The following THSD7B variants were observed in gnomAD, a reference collection of about 807,000 sequenced individuals.
The protein encoded by THSD7B is thrombospondin type-1 domain-containing protein 7B.
In THSD7B, 138 loss-of-function variants were observed where a neutral mutation model predicts 213.6. The observed-to-expected ratio is 0.65, with a 90% CI of 0.56 to 0.74. The LOEUF (loss-of-function observed/expected upper bound fraction) is 0.74. Among genes scored for constraint, THSD7B ranks in the 30% least tolerant of loss-of-function variants. The pLI, the probability that THSD7B is intolerant of heterozygous loss-of-function variation, is 0.00. For missense variants in THSD7B, 1,931 were observed against 1,991.5 expected, an observed-to-expected ratio of 0.97 and a Z score of 0.58; for synonymous variants, 742 against 687.0, an observed-to-expected ratio of 1.08 and a Z score of -1.25.
intron 15 of THSD7B, among the ~76,000 whole-genome samples, chr2:137,465,108 C>T (rs577658486): frequency 4.6e-5 from 7 of 151,854 alleles, no homozygotes; most frequent in Admixed American, 1.3e-4. Context: ...TTTTTTTCTC[C>T]TTTATGTGCT....
intron 7 of THSD7B, among the ~76,000 whole-genome samples, chr2:137,229,903 C>A (rs1372596612): frequency 1.3e-5 from 2 of 152,186 alleles, no homozygotes; most frequent in Non-Finnish European, 2.9e-5. Flanking sequence ...AAATACTAGT[C>A]CCCTTCGCGT....
chr2:137,268,312 C>G (rs556117930), intron 10 of THSD7B, among the ~76,000 whole-genome samples: 2 of 150,114 alleles, frequency 1.3e-5, no homozygotes, highest in African/African-American at 4.9e-5. Context: ...CAGGCCCCCA[C>G]CCCCCAACAG....
At chr2:137,482,170 A>G (rs1021979925) in intron 15 of THSD7B, among the ~76,000 whole-genome samples, 3 of 129,998 alleles carry the variant, frequency 2.3e-5, no homozygotes, top group Non-Finnish European at 3.2e-5. Flanking sequence ...GCAGAGCAAG[A>G]CTCCGGCCCT....
chr2:137,125,307 G>A (rs1688613125), intron 5 of THSD7B, among the ~76,000 whole-genome samples: 1 of 152,182 alleles, frequency 6.6e-6, no homozygotes, highest in Admixed American at 6.5e-5. Flanking sequence ...AAACCCTGCT[G>A]CTGCTTTTTC....
chr2:137,310,778 T>C (rs1683881629), intron 12 of THSD7B, among the ~76,000 whole-genome samples: 1 of 152,024 alleles, frequency 6.6e-6, no homozygotes. Context: ...TCCCCATTGC[T>C]TGTTTTTCTC....
intron 15 of THSD7B, among the ~76,000 whole-genome samples, chr2:137,521,606 A>T (rs1680185835): frequency 6.6e-6 from 1 of 152,118 alleles, no homozygotes; most frequent in African/African-American, 2.4e-5. Context: ...TAAAGTTGTT[A>T]GTGTCTCAAC....
chr2:136,844,613 G>A (rs1298654668), intron 1 of THSD7B, among the ~76,000 whole-genome samples: 1 of 152,138 alleles, frequency 6.6e-6, no homozygotes, highest in Non-Finnish European at 1.5e-5. Context: ...ATTTGGAGAA[G>A]GGCTAAGATT....
intron 18 of THSD7B, 31 bp from the exon 19 acceptor site, chr2:137,618,361 A>G (rs747540494): frequency 6.3e-7 from 1 of 1,595,098 alleles, no homozygotes; most frequent in South Asian, 1.1e-5. Flanking sequence ...CATAATTTTG[A>G]AACTCAGTGT....
chr2:137,563,346 G>A lies in THSD7B; in HGVS notation c.3264G>A (p.Arg1088=). 6.2e-7 allele frequency: 1 copy of A among 1,612,858 alleles called. No homozygotes were observed. Among genetic ancestry groups the A allele is most frequent in the Non-Finnish European group, 8.5e-7 (1 of 1,179,386 alleles). The change falls in exon 16 of 28, where the codon AGG becomes AGA. Residue 1088 remains arginine (R), a synonymous_variant. Transcript: ENST00000409968. ...SLRCGGGTQS[R]KIRCVNTADG... ...GCTGTGGAGGAGGAACACAATCTAG[G>A]AAAATCAGGTGTGTGAAAATGGAGA...
chr2:137,003,192 C>T (rs2104826794), intron 2 of THSD7B, among the ~76,000 whole-genome samples: 1 of 152,274 alleles, frequency 6.6e-6, no homozygotes, highest in Non-Finnish European at 1.5e-5. Context: ...GAAGGCCACA[C>T]ATGGCTTTTA....
intron 12 of THSD7B, among the ~76,000 whole-genome samples, chr2:137,346,688 T>C (rs1308233016): frequency 6.6e-6 from 1 of 151,800 alleles, no homozygotes; most frequent in East Asian, 1.9e-4. Context: ...TATTTTCTCC[T>C]CACACATGGA....
At chr2:137,593,836 C>A (rs997131493) in intron 17 of THSD7B, among the ~76,000 whole-genome samples, 2 of 151,834 alleles carry the variant, frequency 1.3e-5, no homozygotes, top group South Asian at 2.1e-4. Context: ...CCTAAGAAAT[C>A]TTTTTCTTAC....
chr2:136,944,108 CATTTTT>C (rs1684883181), intron 2 of THSD7B, among the ~76,000 whole-genome samples: 1 of 152,154 alleles, frequency 6.6e-6, no homozygotes, highest in Non-Finnish European at 1.5e-5. Flanking sequence ...TTTCAAAAAA[CATTTTT>C]ATTTGTGCCT....
At chr2:136,817,339 T>A (rs1682491408) in intron 1 of THSD7B, among the ~76,000 whole-genome samples, 1 of 151,794 alleles carries the variant, frequency 6.6e-6, no homozygotes, top group South Asian at 2.1e-4. Context: ...GGTAGTTTCT[T>A]TTGCTGTGCA....
intron 2 of THSD7B, among the ~76,000 whole-genome samples, chr2:136,966,200 T>G (rs1685309818): frequency 7.0e-6 from 1 of 142,930 alleles, no homozygotes; most frequent in South Asian, 2.4e-4. Flanking sequence ...TTCAAATTCA[T>G]TTCATATTAA....
At chr2:137,181,334 T>A (rs34100922) in intron 7 of THSD7B, among the ~76,000 whole-genome samples, 10,585 of 152,102 alleles carry the variant, frequency 0.07, 397 homozygotes, top group African/African-American at 0.094. Flanking sequence ...TTGAGATGAG[T>A]AAGTTTAGTA....
intron 2 of THSD7B, among the ~76,000 whole-genome samples, chr2:137,017,203 G>A (rs1291735792): frequency 4.0e-5 from 6 of 151,736 alleles, no homozygotes; most frequent in African/African-American, 1.2e-4. Flanking sequence ...GTATGTATCC[G>A]CTATTCTTAA....
intron 12 of THSD7B, among the ~76,000 whole-genome samples, chr2:137,374,275 T>C (rs559299019): frequency 3.9e-5 from 6 of 152,206 alleles, no homozygotes; most frequent in African/African-American, 1.2e-4. Flanking sequence ...TATTCTGTGA[T>C]GTAAATCAGA....
In THSD7B at chr2:137,094,277, G is replaced by A. The variant is rs185640140; in HGVS notation, c.951-596G>A. ...TAGTAGGCTAACACCATGGGTGAAA[G>A]CAGTCTAGAAGGGCTGGGCGCGATG... is the stretch of plus-strand genomic sequence containing the variant. On this transcript the variant is annotated intron_variant, in intron 3 of 27. Coordinates refer to ENST00000409968, the MANE Select transcript of THSD7B (RefSeq NM_001316349.2). 6.4e-4 allele frequency among the ~76,000 whole-genome samples: 98 copies of A among 152,286 alleles called. 1 individual carries two copies. Among genetic ancestry groups the A allele is most frequent in the African/African-American group, 2.3e-3 (97 of 41,564 alleles).
Sources: gnomAD v4.1 joint callset for allele counts (sites outside exome capture counted in the v4.1 genomes callset) on GRCh38, gnomAD v4.1.1 for gene constraint, MANE v1.5 for transcripts, NCBI Gene and HGNC (gene_info 2026-07-23, HGNC 2026-07-21) for gene names.